The following ST7 variants were observed in gnomAD, a reference collection of about 807,000 sequenced individuals.
The protein encoded by ST7 is suppression of tumorigenicity 7.
In ST7, 28 loss-of-function variants were observed where a neutral mutation model predicts 78.7. That is an observed-to-expected ratio of 0.36 (90% confidence interval 0.26 to 0.49). The LOEUF is 0.49. ST7 is among the 20% of genes least tolerant of loss of function. The pLI is 0.99. For synonymous variants in ST7, 247 were observed against 249.6 expected (o/e 0.99, Z 0.10); for missense variants, 418 against 696.0 (o/e 0.60, Z 4.49).
chr7:117,060,634 T>C (rs1328204645), intron 1 of ST7, among the ~76,000 whole-genome samples: 1 of 152,208 alleles, frequency 6.6e-6, no homozygotes, highest in Admixed American at 6.5e-5. Flanking sequence ...GTTTTAAAAA[T>C]AATTAAAATA....
At chr7:117,058,727 C>T (rs1445197861) in intron 1 of ST7, among the ~76,000 whole-genome samples, 1 of 152,092 alleles carries the variant, frequency 6.6e-6, no homozygotes, top group Admixed American at 6.5e-5. Context: ...AAAGAAATAG[C>T]AGATATACTG....
At chr7:117,212,747 C>T (rs530330676) in intron 13 of ST7, among the ~76,000 whole-genome samples, 1 of 151,938 alleles carries the variant, frequency 6.6e-6, no homozygotes, top group Non-Finnish European at 1.5e-5. Flanking sequence ...CATAAATATG[C>T]ATATGTATAT....
At chr7:117,082,553 A>T (rs973058020) in intron 1 of ST7, among the ~76,000 whole-genome samples, 6 of 152,236 alleles carry the variant, frequency 3.9e-5, no homozygotes, top group African/African-American at 1.2e-4. Flanking sequence ...AAATGATGTA[A>T]CTGGACAAAC....
chr7:117,227,404 A>G (rs796602388), intron 15 of ST7, among the ~76,000 whole-genome samples: 1 of 152,142 alleles, frequency 6.6e-6, no homozygotes, highest in East Asian at 1.9e-4. Context: ...ATTAAGCCCT[A>G]TCTTCCACCA....
intron 9 of ST7, among the ~76,000 whole-genome samples, chr7:117,142,885 C>T (rs1177422046): frequency 6.6e-6 from 1 of 152,184 alleles, no homozygotes; most frequent in Non-Finnish European, 1.5e-5. Flanking sequence ...GCTGGGATTA[C>T]AGGCATGAGC....
chr7:116,969,773 A>G (rs1793318020), intron 1 of ST7, among the ~76,000 whole-genome samples: 2 of 152,132 alleles, frequency 1.3e-5, no homozygotes, highest in South Asian at 4.1e-4. Context: ...GGAACGCTTT[A>G]TTGTAGAAAA....
chr7:117,151,634 T>C (rs1806254996), intron 9 of ST7, among the ~76,000 whole-genome samples: 1 of 152,222 alleles, frequency 6.6e-6, no homozygotes, highest in African/African-American at 2.4e-5. Flanking sequence ...TTGTCTGTAT[T>C]CCCCACCTCC....
intron 12 of ST7, chr7:117,198,214 G>A (rs1810491888): frequency 2.6e-6 from 1 of 386,734 alleles, no homozygotes; most frequent in East Asian, 7.7e-5. Flanking sequence ...ACTGATGACA[G>A]GTAAATGAAA....
intron 5 of ST7, among the ~76,000 whole-genome samples, chr7:117,131,467 G>C (rs1194966856): frequency 6.6e-6 from 1 of 151,850 alleles, no homozygotes; most frequent in Non-Finnish European, 1.5e-5. Flanking sequence ...AATGGTTTCA[G>C]AATGTTCTAA....
intron 9 of ST7, among the ~76,000 whole-genome samples, chr7:117,151,801 CAAGAT>C (rs1034317532): frequency 6.6e-6 from 1 of 151,982 alleles, no homozygotes; most frequent in African/African-American, 2.4e-5. Flanking sequence ...TCGTAAAACT[CAAGAT>C]AAGAGGACTT....
intron 1 of ST7, among the ~76,000 whole-genome samples, chr7:117,044,805 A>T (rs1797407837): frequency 6.6e-6 from 1 of 152,102 alleles, no homozygotes; most frequent in South Asian, 2.1e-4. Context: ...ACATCTCCCG[A>T]ATTCATATCT....
At chr7:117,107,238 A>G (rs1802052026) in intron 2 of ST7, among the ~76,000 whole-genome samples, 1 of 152,120 alleles carries the variant, frequency 6.6e-6, no homozygotes, top group African/African-American at 2.4e-5. Context: ...TGCGTGTACA[A>G]GTATCTTTTT....
At chr7:117,224,067 G>A (rs191907440) in intron 15 of ST7, among the ~76,000 whole-genome samples, 22 of 152,252 alleles carry the variant, frequency 1.4e-4, no homozygotes, top group African/African-American at 4.6e-4. Context: ...AGGTCACCTA[G>A]ACTCATCTTG....
intron 10 of ST7, among the ~76,000 whole-genome samples, chr7:117,188,751 A>G (rs1391273684): frequency 1.1e-4 from 16 of 145,546 alleles, no homozygotes; most frequent in Non-Finnish European, 1.5e-5. Context: ...ATATATGTTT[A>G]TTTATATATT....
At chr7:117,164,999 C>T (rs930022726) in intron 9 of ST7, among the ~76,000 whole-genome samples, 2 of 152,096 alleles carry the variant, frequency 1.3e-5, no homozygotes, top group African/African-American at 2.4e-5. Flanking sequence ...GTGATTTTGA[C>T]AGGCTGCCTT....
chr7:117,018,911 A>C (rs1795745814), intron 1 of ST7, among the ~76,000 whole-genome samples: 1 of 152,216 alleles, frequency 6.6e-6, no homozygotes, highest in African/African-American at 2.4e-5. Flanking sequence ...TTAGTAAGCT[A>C]AAGATCAAGT....
chr7:116,988,099 C>T (rs1794264631), intron 1 of ST7, among the ~76,000 whole-genome samples: 1 of 152,198 alleles, frequency 6.6e-6, no homozygotes, highest in South Asian at 2.1e-4. Flanking sequence ...TTTGCTAGTT[C>T]AGGAGTACTG....
chr7:117,171,512 C>T (rs1439249007), intron 10 of ST7, among the ~76,000 whole-genome samples: 2 of 151,994 alleles, frequency 1.3e-5, no homozygotes, highest in Non-Finnish European at 1.5e-5. Flanking sequence ...ATCCCCATTT[C>T]TTTAAATGGC....
At chr7:116,967,189 T>A in intron 1 of ST7, 1 of 351,440 alleles carries the variant, frequency 2.8e-6, no homozygotes, top group East Asian at 7.9e-5. Context: ...AATGTTCTCC[T>A]AGATGTGTAG....
Sources: gnomAD v4.1 joint callset for allele counts (sites outside exome capture counted in the v4.1 genomes callset) on GRCh38, gnomAD v4.1.1 for gene constraint, MANE v1.5 for transcripts, NCBI Gene and HGNC (gene_info 2026-07-23, HGNC 2026-07-21) for gene names.